NHS: variants seen among roughly 807,000 people sequenced by gnomAD.
NHS encodes actin remodeling regulator NHS.
In NHS, 5 loss-of-function variants were observed where a neutral mutation model predicts 72.5. The ratio of observed to expected loss-of-function variants is 0.07; its 90% CI spans 0.04 to 0.14. The LOEUF (loss-of-function observed/expected upper bound fraction) is 0.14. Among genes scored for constraint, NHS ranks in the 10% least tolerant of loss-of-function variants. NHS has a pLI of 1.00. For missense variants in NHS, 1,072 were observed against 1,355.7 expected, an observed-to-expected ratio of 0.79 and a Z score of 3.29; for synonymous variants, 464 against 547.7, an observed-to-expected ratio of 0.85 and a Z score of 2.13.
At chrX:17,723,773 G>GCA (rs2066423067) in intron 5 of NHS, among the ~76,000 whole-genome samples, 3 of 105,143 alleles carry the variant, frequency 2.9e-5, no homozygotes, top group Admixed American at 1.0e-4. Context: ...GTGTGTGTGC[G>GCA]CGCGCGTGCG....
intron 3 of NHS, among the ~76,000 whole-genome samples, chrX:17,701,097 C>T (rs996059866): frequency 4.5e-5 from 5 of 111,999 alleles, no homozygotes; most frequent in Non-Finnish European, 9.4e-5. Context: ...ACATGCCACA[C>T]AGATTTGTAG....
At chrX:17,564,215 C>T (rs1306533934) in intron 1 of NHS, among the ~76,000 whole-genome samples, 1 of 112,132 alleles carries the variant, frequency 8.9e-6, no homozygotes, top group Non-Finnish European at 1.9e-5. Context: ...CTCTCATCCA[C>T]CTAGACCAGG....
At chrX:17,562,327 T>C (rs762918176) in intron 1 of NHS, among the ~76,000 whole-genome samples, 15 of 112,229 alleles carry the variant, frequency 1.3e-4, no homozygotes, top group Admixed American at 4.7e-4. Context: ...CTCAGAGTTA[T>C]CCCACCTGAG....
intron 1 of NHS, among the ~76,000 whole-genome samples, chrX:17,555,635 T>C (rs1372429355): frequency 1.8e-5 from 2 of 112,263 alleles, no homozygotes; most frequent in Non-Finnish European, 3.8e-5. Flanking sequence ...GAAATCAGTG[T>C]GATCTCTACC....
chrX:17,592,577 C>T (rs1338369454), intron 1 of NHS, among the ~76,000 whole-genome samples: 2 of 112,173 alleles, frequency 1.8e-5, no homozygotes, highest in Non-Finnish European at 3.8e-5. Context: ...ATGGCACCTT[C>T]GAACTTTGCC....
chrX:17,433,408 TG>T (rs1184656752), intron 1 of NHS, among the ~76,000 whole-genome samples: 1 of 110,114 alleles, frequency 9.1e-6, no homozygotes, highest in Non-Finnish European at 1.9e-5. Flanking sequence ...AGCTAGTCAC[TG>T]TTGCTGTGCT....
At chrX:17,472,587 T>A (rs749379123) in intron 1 of NHS, among the ~76,000 whole-genome samples, 5 of 112,389 alleles carry the variant, frequency 4.4e-5, no homozygotes, top group Non-Finnish European at 9.4e-5. Flanking sequence ...AGAGCAACTT[T>A]CAACGTACCT....
intron 1 of NHS, among the ~76,000 whole-genome samples, chrX:17,608,147 T>C (rs2065691277): frequency 9.1e-6 from 1 of 110,126 alleles, no homozygotes; most frequent in Admixed American, 9.7e-5. Context: ...ACTTCTGGGC[T>C]TGAGCGATCC....
chrX:17,389,323 T>C (rs1487402134), intron 1 of NHS, among the ~76,000 whole-genome samples: 1 of 111,660 alleles, frequency 9.0e-6, no homozygotes, highest in Non-Finnish European at 1.9e-5. Flanking sequence ...CCTACCAAGG[T>C]TGTTGTGTGA....
intron 8 of NHS, 30 bp downstream of exon 8, chrX:17,728,805 C>A (rs955975290): frequency 4.1e-6 from 5 of 1,208,215 alleles, no homozygotes; most frequent in Non-Finnish European, 4.5e-6. Flanking sequence ...TCCCCCAAAA[C>A]AAAAGGTACA....
intron 1 of NHS, among the ~76,000 whole-genome samples, chrX:17,590,425 T>C (rs909029896): frequency 8.9e-6 from 1 of 112,074 alleles, no homozygotes; most frequent in African/African-American, 3.2e-5. Context: ...TCATGGTTTT[T>C]AGTATTACCC....
intron 1 of NHS, among the ~76,000 whole-genome samples, chrX:17,531,528 G>A (rs1329395636): frequency 8.9e-6 from 1 of 112,185 alleles, no homozygotes; most frequent in East Asian, 2.8e-4. Flanking sequence ...CTACTATCAA[G>A]TCCAAGTGAC....
rs780118489 is a variant in NHS at position 17,681,138 on chromosome X, A to G, written c.566-6604A>G. Among the ~76,000 whole-genome samples the G allele has an allele frequency of 2.7e-5, 3 of 111,537 alleles. No homozygotes were observed. The South Asian group carries it at 1.1e-3, about 42-fold the overall frequency. ...GTTTCCAGAAATGAGACCCTCAAAGAGTGATCTTTAGTAGCCTCATCTTTG... is the reference window on the plus strand; with the variant it reads ...GTTTCCAGAAATGAGACCCTCAAAGGGTGATCTTTAGTAGCCTCATCTTTG... On this transcript the variant is annotated intron_variant, in intron 1 of 8. Transcript: ENST00000676302.
intron 1 of NHS, among the ~76,000 whole-genome samples, chrX:17,554,016 AT>A (rs2065351661): frequency 8.9e-6 from 1 of 111,800 alleles, no homozygotes. Context: ...TTGCTCCTTC[AT>A]TTTGGCCATT....
At chrX:17,628,692 A>G (rs777521285) in intron 1 of NHS, among the ~76,000 whole-genome samples, 2 of 113,354 alleles carry the variant, frequency 1.8e-5, no homozygotes, top group South Asian at 7.1e-4. Flanking sequence ...CCTACCATTT[A>G]TCATTGGGGT....
At chrX:17,391,978 G>A (rs1341278640) in intron 1 of NHS, among the ~76,000 whole-genome samples, 1 of 111,898 alleles carries the variant, frequency 8.9e-6, no homozygotes, top group Non-Finnish European at 1.9e-5. Context: ...GAATGCCTAG[G>A]TGTTCACCAA....
At chrX:17,537,698 A>G (rs931868182) in intron 1 of NHS, among the ~76,000 whole-genome samples, 1 of 112,115 alleles carries the variant, frequency 8.9e-6, no homozygotes, top group Non-Finnish European at 1.9e-5. Context: ...GGGGTTAGAC[A>G]AAGGTCAGCA....
At chrX:17,605,914 G>T (rs2065676366) in intron 1 of NHS, among the ~76,000 whole-genome samples, 5 of 112,043 alleles carry the variant, frequency 4.5e-5, no homozygotes, top group African/African-American at 1.3e-4. Context: ...TTACCAGGCA[G>T]TATTGCTTAT....
Position 17,687,739 on chromosome X carries a change from C to T in NHS, c.566-3C>T. The T allele has an allele frequency of 1.7e-6, 2 of 1,211,637 alleles. No individual in the cohort carries two copies. Among genetic ancestry groups the T allele is most frequent in the Non-Finnish European group, 2.2e-6 (2 of 895,417 alleles). On this transcript the variant is annotated splice_region_variant and splice_polypyrimidine_tract_variant and intron_variant, in intron 1 of 8. Coordinates refer to ENST00000676302, the MANE Select transcript of NHS (RefSeq NM_001291867.2). ...GGACAACGCCCTGTTTCTTGTCTTG[C>T]AGCCGTCTCCAACCTGGACATAGAG... is the stretch of plus-strand genomic sequence containing the variant.
Sources: allele counts gnomAD v4.1 joint callset (sites outside exome capture counted in the v4.1 genomes callset), GRCh38; gene constraint gnomAD v4.1.1; transcripts MANE v1.5; gene names NCBI Gene and HGNC (gene_info 2026-07-23, HGNC 2026-07-21).